Variants in DAGLA observed in about 807,000 individuals in gnomAD.
DAGLA encodes the protein diacylglycerol lipase alpha.
A neutral mutation model predicts 102.6 loss-of-function variants in DAGLA; 22 were observed. The ratio of observed to expected loss-of-function variants is 0.21; its 90% CI spans 0.15 to 0.31. The LOEUF (loss-of-function observed/expected upper bound fraction) is 0.31. DAGLA is among the 10% of genes least tolerant of loss of function. DAGLA has a pLI of 1.00. For missense variants in DAGLA, 927 were observed against 1,446.6 expected (o/e 0.64, Z 5.83); for synonymous variants, 578 against 628.9 (o/e 0.92, Z 1.21).
At position 61,734,261 on chromosome 11, in the gene DAGLA, G is replaced by A. The variant is rs1031226048; in HGVS notation, c.975-588G>A. Among the ~76,000 whole-genome samples the A allele has an allele frequency of 2.0e-5, 3 of 151,980 alleles. No homozygotes were observed. Among genetic ancestry groups the A allele is most frequent in the Non-Finnish European group, 2.9e-5 (2 of 67,994 alleles). On this transcript the variant is annotated intron_variant, in intron 9 of 19. Transcript: ENST00000257215. The surrounding 1 kb of genome is among the most constrained non-coding windows in gnomAD (Gnocchi z 4.2). ...TACTGACCGAGTGGCATGGCCGTGG[G>A]GGTGAGGGCTGAGGAGCCACAGACA...
intron 19 of DAGLA, among the ~76,000 whole-genome samples, chr11:61,743,062 T>C (rs561138820): frequency 1.6e-4 from 25 of 152,172 alleles, no homozygotes; most frequent in Non-Finnish European, 3.5e-4. Flanking sequence ...TGTGAGTTGT[T>C]TTTAAAAAAT....
At chr11:61,731,210 C>T in intron 8 of DAGLA, 107 bp from the exon 9 acceptor site, 1 of 1,404,298 alleles carries the variant, frequency 7.1e-7, no homozygotes, top group Non-Finnish European at 9.7e-7. Context: ...GCAACCCCTC[C>T]CTGCCAGGGG....
At chr11:61,712,023 G>A (rs530415373) in intron 1 of DAGLA, among the ~76,000 whole-genome samples, 1 of 152,222 alleles carries the variant, frequency 6.6e-6, no homozygotes, top group Non-Finnish European at 1.5e-5. Flanking sequence ...AAATAAACAC[G>A]ATCGAGTAAT....
At chr11:61,723,089 G>T in intron 4 of DAGLA, 129 bp downstream of exon 4, 1 of 796,484 alleles carries the variant, frequency 1.3e-6, no homozygotes, top group Non-Finnish European at 2.1e-6. Context: ...CAGCAGGTTG[G>T]CTGGGCGAGA....
In DAGLA at chr11:61,740,793, A is replaced by G. The variant is rs11821891; in HGVS notation, c.1983+201A>G. Among the ~76,000 whole-genome samples the G allele has an allele frequency of 5.3e-3, 809 of 152,242 alleles. 5 individuals are homozygous for G. Among genetic ancestry groups the G allele is most frequent in the African/African-American group, 0.018 (733 of 41,548 alleles). ...TCTGTCCACATCACCACGTTGCCCCATGGTGGGGAGGAGATAAGGAGACTC... is the reference window on the plus strand; with the variant it reads ...TCTGTCCACATCACCACGTTGCCCCGTGGTGGGGAGGAGATAAGGAGACTC... On this transcript the variant is annotated intron_variant, in intron 18 of 19. Transcript: ENST00000257215.
rs144678329 is a variant in DAGLA at position 61,725,853 on chromosome 11, G to A, written c.549-142G>A. 1.9e-3 allele frequency: 1,395 copies of A among 751,386 alleles called. 23 individuals carry two copies. The Admixed American group carries it at 0.023, about 12-fold the overall frequency. The allele number at this position is 751,386 out of a possible 1,614,324, so 46.5% of individuals were successfully genotyped here. Reference sequence around the variant, plus strand: ...GGCCACCAGCTCTGGCAGGGCCTGGGCCCTGTTCTCCCCCAGAACCCACTG... The same window carrying A: ...GGCCACCAGCTCTGGCAGGGCCTGGACCCTGTTCTCCCCCAGAACCCACTG... On this transcript the variant is annotated intron_variant, in intron 5 of 19. Coordinates refer to ENST00000257215, the MANE Select transcript of DAGLA (RefSeq NM_006133.3).
chr11:61,736,872 A>G (rs2065427194), intron 13 of DAGLA, among the ~76,000 whole-genome samples: 1 of 152,206 alleles, frequency 6.6e-6, no homozygotes, highest in South Asian at 2.1e-4. Flanking sequence ...AGTGATAAAA[A>G]GCTCCATCCC....
rs571452687 is a variant in DAGLA at position 61,686,653 on chromosome 11, G to A, written c.-45+6149G>A. 5.3e-5 allele frequency among the ~76,000 whole-genome samples: 8 copies of A among 152,350 alleles called. No individual in the cohort carries two copies. Among genetic ancestry groups the A allele is most frequent in the African/African-American group, 9.6e-5 (4 of 41,574 alleles). ...AGACGGTCCTGGCCAGGGAGCCTGCGGCTCTGGGGTGGAGGTCGGGACGGT... is the reference window on the plus strand; with the variant it reads ...AGACGGTCCTGGCCAGGGAGCCTGCAGCTCTGGGGTGGAGGTCGGGACGGT... On this transcript the variant is annotated intron_variant, in intron 1 of 19. Transcript: ENST00000257215. The surrounding 1 kb of genome is among the most constrained non-coding windows in gnomAD (Gnocchi z 5.2).
Position 61,709,651 on chromosome 11 carries a change from C to T in DAGLA, c.-44-10461C>T, listed in dbSNP as rs147313368. 2.8e-3 allele frequency among the ~76,000 whole-genome samples: 428 copies of T among 152,186 alleles called. 4 individuals are homozygous for T. The highest frequency in any genetic ancestry group is 9.8e-3 in the African/African-American group (406 of 41,516). On this transcript the variant is annotated intron_variant, in intron 1 of 19. Transcript: ENST00000257215. Reference sequence around the variant, plus strand: ...AGAGGAGGGTGACAGAGGGAGGGGACGGGGCTGCAGCCTGTGTGCCATTGG... The same window carrying T: ...AGAGGAGGGTGACAGAGGGAGGGGATGGGGCTGCAGCCTGTGTGCCATTGG...
At chr11:61,702,339 A>G (rs1348059296) in intron 1 of DAGLA, among the ~76,000 whole-genome samples, 2 of 152,194 alleles carry the variant, frequency 1.3e-5, no homozygotes, top group Non-Finnish European at 2.9e-5. Flanking sequence ...ATGGTGTGCA[A>G]ATTCCTGGCC....
chr11:61,736,629 CTGCAGAACCGTT>C, intron 13 of DAGLA, among the ~76,000 whole-genome samples: 1 of 152,248 alleles, frequency 6.6e-6, no homozygotes, highest in Admixed American at 6.5e-5. Flanking sequence ...AGCCTCATAG[CTGCAGAACCGTT>C]TGTCAGAAGG....
At chr11:61,688,270 G>A (rs1293632500) in intron 1 of DAGLA, among the ~76,000 whole-genome samples, 7 of 149,178 alleles carry the variant, frequency 4.7e-5, no homozygotes, top group Non-Finnish European at 1.0e-4. Flanking sequence ...AGCCGAGGTC[G>A]TGCCACTGCA....
chr11:61,735,558 T>C lies in DAGLA; in HGVS notation c.1129-3T>C. On this transcript the variant is annotated splice_polypyrimidine_tract_variant and splice_region_variant and intron_variant, in intron 10 of 19. Coordinates refer to ENST00000257215, the MANE Select transcript of DAGLA (RefSeq NM_006133.3). ...TCAGGCTCACGAGCTGCCCGCCTCC[T>C]AGGTCTATGAAACGCCCTTCTACGT... The C allele has an allele frequency of 6.2e-7, 1 of 1,613,872 alleles. No individual in the cohort carries two copies.
Position 61,741,267 on chromosome 11 carries a change from C to G in DAGLA, c.2089C>G (p.Gln697Glu). 1 of 1,613,348 alleles carries G rather than the reference C, an allele frequency of 6.2e-7. No individual in the cohort carries two copies. Among genetic ancestry groups the G allele is most frequent in the Middle Eastern group, 1.7e-4 (1 of 6,006 alleles). The change falls in exon 19 of 20, where the codon CAG becomes GAG. Residue 697 changes from glutamine (Q) to glutamate (E), a missense_variant. Gln to Glu is a conservative substitution (Grantham distance 29). Transcript: ENST00000257215. ...GACTCCTGAGCTCATCTTCCAGCAG[C>G]AGCCACTCCCCACGGGGCCGCCCAT... Reference protein sequence around the residue: ...DLTPELIFQQQPLPTGPPMPT... With the variant: ...DLTPELIFQQEPLPTGPPMPT...
intron 8 of DAGLA, 24 bp downstream of exon 8, chr11:61,729,032 C>A (rs1162451560): frequency 6.3e-7 from 1 of 1,597,162 alleles, no homozygotes; most frequent in Non-Finnish European, 8.6e-7. Context: ...CAACTCTCAC[C>A]CCACCCCGTC....
intron 19 of DAGLA, among the ~76,000 whole-genome samples, chr11:61,742,030 G>A (rs534551320): frequency 6.7e-4 from 102 of 152,274 alleles, no homozygotes; most frequent in African/African-American, 2.4e-3. Flanking sequence ...AAGTACACAG[G>A]TCACCCCCTA....
At chr11:61,727,007 G>A (rs1240447453) in intron 6 of DAGLA, among the ~76,000 whole-genome samples, 1 of 152,244 alleles carries the variant, frequency 6.6e-6, no homozygotes, top group Non-Finnish European at 1.5e-5. Flanking sequence ...ATGGAGGCTG[G>A]GGCTGCTGTG....
intron 1 of DAGLA, among the ~76,000 whole-genome samples, chr11:61,708,674 C>A (rs561669286): frequency 6.6e-6 from 1 of 152,222 alleles, no homozygotes; most frequent in Admixed American, 6.5e-5. Context: ...TGAGCCACCA[C>A]GCCCAGCCTC....
At chr11:61,688,552 C>T (rs888024912) in intron 1 of DAGLA, among the ~76,000 whole-genome samples, 7 of 152,202 alleles carry the variant, frequency 4.6e-5, no homozygotes, top group African/African-American at 1.7e-4. Context: ...CTGCCAGGCC[C>T]TGGTCTGTTG....
Sources: allele counts gnomAD v4.1 joint callset (sites outside exome capture counted in the v4.1 genomes callset), GRCh38; gene constraint gnomAD v4.1.1; non-coding constraint Gnocchi (gnomAD v3.1); transcripts MANE v1.5; gene names NCBI Gene and HGNC (gene_info 2026-07-23, HGNC 2026-07-21).